The following SASH1 variants were observed in gnomAD, a reference collection of about 807,000 sequenced individuals.
SASH1 encodes the protein SAM and SH3 domain containing 1.
A neutral mutation model predicts 125.2 loss-of-function variants in SASH1; 44 were observed. The ratio of observed to expected loss-of-function variants is 0.35; its 90% confidence interval spans 0.28 to 0.45. SASH1 has a LOEUF of 0.45. SASH1 is among the 20% of genes least tolerant of loss of function. SASH1 has a pLI of 1.00. For missense variants in SASH1, 1,426 were observed against 1,614.5 expected, an observed-to-expected ratio of 0.88 and a Z score of 2.00; for synonymous variants, 639 against 649.1, an observed-to-expected ratio of 0.98 and a Z score of 0.24.
intron 1 of SASH1, among the ~76,000 whole-genome samples, chr6:148,357,265 C>T (rs1386583420): frequency 1.3e-5 from 2 of 152,160 alleles, no homozygotes; most frequent in African/African-American, 4.8e-5. Flanking sequence ...TTCCTGGTTT[C>T]CTTTTAAACA....
chr6:148,484,927 A>G (rs945742011), intron 7 of SASH1, among the ~76,000 whole-genome samples: 2 of 152,210 alleles, frequency 1.3e-5, no homozygotes, highest in African/African-American at 4.8e-5. Flanking sequence ...TGGACAACAG[A>G]GCGAGACCCT....
chr6:148,459,808 T>G (rs1777534525), intron 4 of SASH1, among the ~76,000 whole-genome samples: 1 of 152,198 alleles, frequency 6.6e-6, no homozygotes, highest in Admixed American at 6.5e-5. Context: ...ACTCTAAAAA[T>G]TCTATGTGAT....
At chr6:148,392,411 T>C (rs2114836887) in intron 2 of SASH1, among the ~76,000 whole-genome samples, 1 of 152,282 alleles carries the variant, frequency 6.6e-6, no homozygotes, top group South Asian at 2.1e-4. Context: ...AAGTAACTAA[T>C]TTAGAACTAA....
chr6:148,383,822 G>T (rs1251865831), intron 1 of SASH1, among the ~76,000 whole-genome samples: 1 of 152,162 alleles, frequency 6.6e-6, no homozygotes, highest in African/African-American at 2.4e-5. Context: ...GAAACCGATT[G>T]TTGAGGAAAC....
At chr6:148,248,812 C>T in the SASH1 span, among the ~76,000 whole-genome samples, 1 of 152,230 alleles carries the variant, frequency 6.6e-6, no homozygotes, top group Non-Finnish European at 1.5e-5. Context: ...AGAAAATCTG[C>T]TCCTTATTTA....
chr6:148,291,950 A>G (rs904034716), intron 1 of SASH1, among the ~76,000 whole-genome samples: 1 of 152,180 alleles, frequency 6.6e-6, no homozygotes, highest in Non-Finnish European at 1.5e-5. Flanking sequence ...AAAAATAGAT[A>G]CTAGTACTTA....
chr6:148,404,429 T>A (rs1052649792), intron 2 of SASH1, among the ~76,000 whole-genome samples: 3 of 152,122 alleles, frequency 2.0e-5, no homozygotes, highest in Admixed American at 1.3e-4. Context: ...TGTCTTAAAA[T>A]GGGTATACAA....
rs76325990 is a variant in SASH1 at position 148,406,449 on chromosome 6, C to T, written c.285+16187C>T. On this transcript the variant is annotated intron_variant, in intron 2 of 19. Transcript: ENST00000367467. Reference sequence around the variant, plus strand: ...CAGTTTGCATACAGATTCCTACTTGCCAGTATTCAAACTTAGAACAGTGTC... The same window carrying T: ...CAGTTTGCATACAGATTCCTACTTGTCAGTATTCAAACTTAGAACAGTGTC... Among the ~76,000 whole-genome samples, 1,446 of 152,300 alleles carry T rather than the reference C, an allele frequency of 9.5e-3. 22 individuals carry two copies. The highest frequency in any genetic ancestry group is 0.031 in the African/African-American group (1,308 of 41,558).
At chr6:148,217,925 G>A in the SASH1 span, among the ~76,000 whole-genome samples, 1 of 151,604 alleles carries the variant, frequency 6.6e-6, no homozygotes. Flanking sequence ...TGAGGCAGGA[G>A]GATCACTTGA....
At chr6:148,333,237 C>CAAA (rs1203920313) in intron 1 of SASH1, among the ~76,000 whole-genome samples, 26 of 150,708 alleles carry the variant, frequency 1.7e-4, no homozygotes, top group South Asian at 2.1e-4. Context: ...TCTGTGTCTA[C>CAAA]AAAAAATAAT....
At chr6:148,265,806 G>A in the SASH1 span, among the ~76,000 whole-genome samples, 1 of 152,092 alleles carries the variant, frequency 6.6e-6, no homozygotes, top group African/African-American at 2.4e-5. Context: ...GGCAGGGTTA[G>A]TTAGGAATTA....
chr6:148,356,070 G>GTTTTTTTTTTTTTTTTCTTT (rs200129121), intron 1 of SASH1, among the ~76,000 whole-genome samples: 1 of 139,800 alleles, frequency 7.2e-6, no homozygotes. Context: ...GTATCATTCT[G>GTTTTTTTTTTTTTTTTCTTT]TTTTTTTTTT....
In SASH1 at chr6:148,399,588, G is replaced by A. The variant is rs1784094951; in HGVS notation, c.285+9326G>A. On this transcript the variant is annotated intron_variant, in intron 2 of 19. Transcript: ENST00000367467. The stretch of plus-strand genomic sequence containing the variant: ...TTTAATAAAAAGTAGTACACCTGAG[G>A]GCTTAAACACCAAACTAGCATACTA... Among the ~76,000 whole-genome samples the A allele has an allele frequency of 3.3e-5, 5 of 152,198 alleles. 1 individual carries two copies. The South Asian group carries it at 1.0e-3, about 32-fold the overall frequency.
At chr6:148,515,320 T>C (rs1780377283) in intron 9 of SASH1, among the ~76,000 whole-genome samples, 2 of 152,238 alleles carry the variant, frequency 1.3e-5, no homozygotes, top group South Asian at 4.1e-4. Context: ...AATTTCAAAA[T>C]TTTAACATGT....
the SASH1 span, among the ~76,000 whole-genome samples, chr6:148,247,417 C>T: frequency 6.6e-6 from 1 of 152,174 alleles, no homozygotes; most frequent in Admixed American, 6.5e-5. Flanking sequence ...CCTCCATCTC[C>T]TAAAATGGGG....
chr6:148,534,429 A>AG (rs1583317591), intron 15 of SASH1, among the ~76,000 whole-genome samples: 2 of 152,330 alleles, frequency 1.3e-5, no homozygotes, highest in East Asian at 3.9e-4. Context: ...CTGTAAGTGG[A>AG]GGAGGAGTCT....
rs1390459362 is a variant in SASH1, at chr6:148,544,107, C to T, written c.2637C>T (p.Ala879=). 7 of 1,614,034 alleles carry T rather than the reference C, an allele frequency of 4.3e-6. No homozygotes were observed. Among genetic ancestry groups the T allele is most frequent in the Non-Finnish European group, 5.9e-6 (7 of 1,179,984 alleles). The change falls in exon 18 of 20, where the codon GCC becomes GCT. Residue 879 remains alanine (A), a synonymous_variant. Transcript: ENST00000367467. This position sits in a 1 kb window ranked among gnomAD's most constrained non-coding sequence, Gnocchi z 6.4. The part of the protein sequence containing the change: ...PQKTTASSTK[A]QPLEQDSAVD... ...AGACGACCGCCTCTTCCACGAAGGC[C>T]CAGCCCCTGGAGCAAGACTCTGCTG...
At chr6:148,470,693 G>T (rs548830413) in intron 5 of SASH1, among the ~76,000 whole-genome samples, 62 of 152,304 alleles carry the variant, frequency 4.1e-4, no homozygotes, top group African/African-American at 1.4e-3. Context: ...GAAAGGATCG[G>T]GGGTGCGGTG....
intron 1 of SASH1, among the ~76,000 whole-genome samples, chr6:148,346,547 T>G (rs72563855): frequency 0.081 from 12,296 of 151,842 alleles, 772 homozygotes; most frequent in East Asian, 0.32. Flanking sequence ...AGTGTCTTAC[T>G]CATTTTTCTA....
Sources: allele counts gnomAD v4.1 joint callset (sites outside exome capture counted in the v4.1 genomes callset), GRCh38; gene constraint gnomAD v4.1.1; non-coding constraint Gnocchi (gnomAD v3.1); transcripts MANE v1.5; gene names NCBI Gene and HGNC (gene_info 2026-07-23, HGNC 2026-07-21).